Variants in GPRIN3 observed in about 807,000 individuals in gnomAD.
GPRIN3 encodes G protein-regulated inducer of neurite outgrowth 3.
Under a neutral mutation model 13.7 loss-of-function variants are expected in GPRIN3, and 12 were observed. The observed-to-expected ratio is 0.87, with a 90% CI of 0.56 to 1.42. The LOEUF (loss-of-function observed/expected upper bound fraction) is 1.42, where lower values mean the gene tolerates loss of function less well. Among genes scored for constraint, GPRIN3 ranks in the 40% most tolerant of loss-of-function variants. GPRIN3 has a pLI of 0.00. For missense variants in GPRIN3, 1,009 were observed against 958.7 expected, an observed-to-expected ratio of 1.05 and a Z score of -0.69; for synonymous variants, 377 against 372.7, an observed-to-expected ratio of 1.01 and a Z score of -0.13.
At chr4:89,278,813 T>A (rs1158046054) in intron 1 of GPRIN3, among the ~76,000 whole-genome samples, 1 of 151,836 alleles carries the variant, frequency 6.6e-6, no homozygotes, top group African/African-American at 2.4e-5. Flanking sequence ...GCTGTGCAGC[T>A]CCAGAGTCTT....
At chr4:89,277,028 T>A (rs1296784273) in intron 1 of GPRIN3, among the ~76,000 whole-genome samples, 1 of 152,174 alleles carries the variant, frequency 6.6e-6, no homozygotes, top group Admixed American at 6.5e-5. Context: ...TCCTTTCAAC[T>A]ATTTATTCTG....
chr4:89,250,979 A>G (rs1272204833), intron 1 of GPRIN3: 2 of 152,148 alleles, frequency 1.3e-5, no homozygotes, highest in Non-Finnish European at 2.9e-5. Context: ...GTGACTAAAT[A>G]AAATTCAAAA....
intron 1 of GPRIN3, among the ~76,000 whole-genome samples, chr4:89,284,050 A>C (rs746416543): frequency 2.1e-4 from 32 of 152,202 alleles, no homozygotes; most frequent in Admixed American, 6.5e-5. Flanking sequence ...CAAGGTTTTA[A>C]GACAAGGCAG....
intron 1 of GPRIN3, among the ~76,000 whole-genome samples, chr4:89,257,303 T>C (rs1355312562): frequency 1.3e-5 from 2 of 152,188 alleles, no homozygotes; most frequent in African/African-American, 4.8e-5. Flanking sequence ...GCATGGCCTG[T>C]TATCTTACTG....
intron 1 of GPRIN3, among the ~76,000 whole-genome samples, chr4:89,261,379 C>T (rs965859970): frequency 1.3e-5 from 2 of 152,138 alleles, no homozygotes; most frequent in African/African-American, 4.8e-5. Context: ...ACCACTGATC[C>T]AGGAGGTGAG....
chr4:89,248,712 C>G lies in GPRIN3; in HGVS notation c.1399G>C (p.Ala467Pro), dbSNP rs758693363. The G allele has an allele frequency of 1.2e-6, 2 of 1,614,124 alleles. No individual in the cohort carries two copies. Among genetic ancestry groups the G allele is most frequent in the East Asian group, 4.5e-5 (2 of 44,878 alleles). The change falls in exon 2 of 2, where the codon GCC (alanine) becomes CCC (proline). Residue 467 changes from alanine to proline, a missense_variant. By Grantham distance (27) the Ala-to-Pro change is conservative. Coordinates refer to ENST00000609438, the MANE Select transcript of GPRIN3 (RefSeq NM_198281.3). The part of the protein sequence containing the change: ...GTNSSSLKAT[A>P]IDQISISACS... ...GCACTGATAGAAATCTGGTCAATGG[C>G]GGTAGCTTTCAGGGAGCTAGAATTA...
rs2149255344 is a variant in GPRIN3, at chr4:89,249,453, C to G, written c.658G>C (p.Glu220Gln). The change falls in exon 2 of 2, where the codon GAA (glutamate) becomes CAA (glutamine). Residue 220 changes from glutamate to glutamine, a missense_variant. Coordinates refer to ENST00000609438, the MANE Select transcript of GPRIN3 (RefSeq NM_198281.3). ...SHSSSPVGGPEGERQGAICDS... is the reference protein window; with the variant it reads ...SHSSSPVGGPQGERQGAICDS... ...CAGATGGCTCCCTGCCTTTCCCCTT[C>G]AGGTCCACCTACAGGAGAGGATGAG... is the stretch of plus-strand genomic sequence containing the variant. 6.2e-7 allele frequency: 1 copy of G among 1,614,082 alleles called. No homozygotes were observed. Among genetic ancestry groups the G allele is most frequent in the Non-Finnish European group, 8.5e-7 (1 of 1,180,018 alleles).
In GPRIN3 at chr4:89,248,151, C is replaced by T; in HGVS notation, c.1960G>A (p.Ala654Thr). ...EQKLNVTAAA[A>T]QVGLTPGDKK... ...TCTCCTGGAGTGAGTCCTACCTGAG[C>T]AGCAGCTGCTGTCACATTTAACTTT... The change falls in exon 2 of 2, where the codon GCT becomes ACT. Residue 654 changes from alanine to threonine, a missense_variant. Coordinates refer to ENST00000609438, the MANE Select transcript of GPRIN3 (RefSeq NM_198281.3). 1 of 1,614,156 alleles carries T rather than the reference C, an allele frequency of 6.2e-7. No individual in the cohort carries two copies. Among genetic ancestry groups the T allele is most frequent in the South Asian group, 1.1e-5 (1 of 91,084 alleles).
At chr4:89,291,326 T>A (rs904515320) in intron 1 of GPRIN3, among the ~76,000 whole-genome samples, 1 of 152,154 alleles carries the variant, frequency 6.6e-6, no homozygotes, top group Admixed American at 6.5e-5. Context: ...GAAATTTCCC[T>A]TCATGACACT....
In GPRIN3 at chr4:89,249,582, C is replaced by A; in HGVS notation, c.529G>T (p.Val177Phe). 2 of 1,614,104 alleles carry A rather than the reference C, an allele frequency of 1.2e-6. No individual in the cohort carries two copies. The highest frequency in any genetic ancestry group is 1.7e-6 in the Non-Finnish European group (2 of 1,180,010). The change falls in exon 2 of 2, where the codon GTC becomes TTC. Residue 177 changes from valine (V) to phenylalanine (F), a missense_variant. Transcript: ENST00000609438. ...ACCTGATCTTTGCTGCTACTGAGGA[C>A]GCCTCCCACAGGACAACTTGGTTTC... ...PEKPSCPVGG[V>F]LSSSKDQVSC...
intron 1 of GPRIN3, among the ~76,000 whole-genome samples, chr4:89,288,393 A>G (rs954531455): frequency 2.6e-5 from 4 of 152,144 alleles, no homozygotes; most frequent in African/African-American, 9.7e-5. Flanking sequence ...TATATATTAA[A>G]CCAATATTCT....
chr4:89,286,881 C>G (rs1173662104), intron 1 of GPRIN3, among the ~76,000 whole-genome samples: 2 of 152,148 alleles, frequency 1.3e-5, no homozygotes, highest in African/African-American at 2.4e-5. Context: ...TTCCCAGGTA[C>G]TTGGGAGGAT....
intron 1 of GPRIN3, among the ~76,000 whole-genome samples, chr4:89,269,324 G>A (rs1723863900): frequency 6.6e-6 from 1 of 152,038 alleles, no homozygotes; most frequent in Non-Finnish European, 1.5e-5. Flanking sequence ...CTGAATGTGG[G>A]AAGCAATTAT....
In GPRIN3 at chr4:89,241,780, A is replaced by G. The variant is rs935141114; in HGVS notation, c.*6000T>C. 3 of 152,186 alleles carry G rather than the reference A, an allele frequency of 2.0e-5. No homozygotes were observed. Among genetic ancestry groups the G allele is most frequent in the Non-Finnish European group, 4.4e-5 (3 of 68,012 alleles). The allele number at this position is 152,186 out of a possible 1,614,324, so 9.4% of individuals were successfully genotyped here. A position where few individuals can be genotyped will look rare whatever the true frequency, so the allele number is the denominator to read the frequency against. On this transcript the variant is annotated 3_prime_UTR_variant, in exon 2 of 2. Coordinates refer to ENST00000609438, the MANE Select transcript of GPRIN3 (RefSeq NM_198281.3). ...TCAACTAAAATCATCAAGGATGCCA[A>G]TTAACATGAGTAAGCCCTTTCTACT... is the stretch of plus-strand genomic sequence containing the variant.
chr4:89,260,558 C>G (rs1214257977), intron 1 of GPRIN3, among the ~76,000 whole-genome samples: 1 of 152,040 alleles, frequency 6.6e-6, no homozygotes, highest in Admixed American at 6.6e-5. Flanking sequence ...TTTGAGGAGA[C>G]AAGACAAATT....
At chr4:89,267,589 CT>C (rs1723815018) in intron 1 of GPRIN3, among the ~76,000 whole-genome samples, 1 of 152,214 alleles carries the variant, frequency 6.6e-6, no homozygotes, top group African/African-American at 2.4e-5. Flanking sequence ...TTGCTTATCA[CT>C]GGTCCTCATT....
rs1159357382 is a variant in GPRIN3 at position 89,238,673 on chromosome 4, T to A, written c.*9107A>T. The A allele has an allele frequency of 6.6e-6, 1 of 152,132 alleles. No homozygotes were observed. Among genetic ancestry groups the A allele is most frequent in the African/African-American group, 2.4e-5 (1 of 41,414 alleles). The allele number at this position is 152,132 out of a possible 1,614,324, so 9.4% of individuals were successfully genotyped here. On this transcript the variant is annotated 3_prime_UTR_variant, in exon 2 of 2. Transcript: ENST00000609438. Reference sequence around the variant, plus strand: ...TTTGATGACCAGGAGGAATTGTTGATTCTATGGGAATTCTATTTTAATTAA... The same window carrying A: ...TTTGATGACCAGGAGGAATTGTTGAATCTATGGGAATTCTATTTTAATTAA...
chr4:89,307,549 C>T (rs1185856106), intron 1 of GPRIN3, 66 bp downstream of exon 1: 2 of 152,388 alleles, frequency 1.3e-5, no homozygotes, highest in Non-Finnish European at 2.9e-5. Flanking sequence ...CCCTACAGAG[C>T]ACACCACCAG....
Position 89,251,672 on chromosome 4 carries a change from G to C in GPRIN3, c.-123-1439C>G, listed in dbSNP as rs114748366. Among the ~76,000 whole-genome samples, 1,284 of 152,306 alleles carry C rather than the reference G, an allele frequency of 8.4e-3. 18 individuals carry two copies. Among genetic ancestry groups the C allele is most frequent in the African/African-American group, 0.029 (1,218 of 41,574 alleles). ...GAAGAGATTTCCTCAAGGTATGATT[G>C]AATGAGAAAAACAAGGTCCAGAAAA... is the stretch of plus-strand genomic sequence containing the variant. On this transcript the variant is annotated intron_variant, in intron 1 of 1. Coordinates refer to ENST00000609438, the MANE Select transcript of GPRIN3 (RefSeq NM_198281.3).
Sources: allele counts gnomAD v4.1 joint callset (sites outside exome capture counted in the v4.1 genomes callset), GRCh38; gene constraint gnomAD v4.1.1; transcripts MANE v1.5; gene names NCBI Gene and HGNC (gene_info 2026-07-23, HGNC 2026-07-21).